TNKS: variants seen among roughly 807,000 people sequenced by gnomAD.
The protein encoded by TNKS is tankyrase, also known as poly [ADP-ribose] polymerase tankyrase-1.
TNKS carries 72 observed loss-of-function variants against 135.8 expected under a neutral mutation model. That is an observed-to-expected ratio of 0.53 (90% CI 0.44 to 0.64). The LOEUF (loss-of-function observed/expected upper bound fraction) is 0.64, where lower values mean the gene tolerates loss of function less well. Among genes scored for constraint, TNKS ranks in the 30% least tolerant of loss-of-function variants. TNKS has a pLI of 0.00. For missense variants in TNKS, 1,769 were observed against 1,674.0 expected (o/e 1.06, Z -0.99); for synonymous variants, 849 against 649.3 (o/e 1.31, Z -4.68).
chr8:9,748,288 C>T, intron 18 of TNKS, 76 bp downstream of exon 18: 1 of 1,257,598 alleles, frequency 8.0e-7, no homozygotes, highest in Non-Finnish European at 1.0e-6. Context: ...GGTTCACCAG[C>T]TTACTTTTAG....
chr8:9,687,341 C>T (rs1191035765), intron 5 of TNKS, among the ~76,000 whole-genome samples: 5 of 152,146 alleles, frequency 3.3e-5, no homozygotes, highest in African/African-American at 7.2e-5. Context: ...CTTCGGAGTA[C>T]GTCTTGCTGA....
At chr8:9,561,899 C>A (rs1378609388) in intron 1 of TNKS, among the ~76,000 whole-genome samples, 1 of 152,290 alleles carries the variant, frequency 6.6e-6, no homozygotes, top group East Asian at 1.9e-4. Context: ...TCACTGCAAC[C>A]TCTGCCTCCT....
chr8:9,574,396 C>T (rs1797866020), intron 1 of TNKS, among the ~76,000 whole-genome samples: 1 of 152,158 alleles, frequency 6.6e-6, no homozygotes, highest in Non-Finnish European at 1.5e-5. Context: ...TTTTTCTCTT[C>T]TTTGACCCAG....
At chr8:9,567,668 T>C (rs1036186439) in intron 1 of TNKS, among the ~76,000 whole-genome samples, 42 of 152,296 alleles carry the variant, frequency 2.8e-4, no homozygotes, top group Non-Finnish European at 4.3e-4. Flanking sequence ...CTGCCCGCCT[T>C]GGCCTCCCAA....
intron 26 of TNKS, among the ~76,000 whole-genome samples, chr8:9,772,806 TG>T (rs1407378457): frequency 1.2e-4 from 13 of 104,566 alleles, no homozygotes; most frequent in African/African-American, 5.6e-4. Flanking sequence ...TGTGTGTGTG[TG>T]TTTGTGTGTG....
intron 5 of TNKS, among the ~76,000 whole-genome samples, chr8:9,682,308 T>C (rs866509801): frequency 3.3e-5 from 5 of 152,160 alleles, no homozygotes; most frequent in African/African-American, 1.2e-4. Context: ...CGGAGTCGAT[T>C]TCTGTCACAG....
At chr8:9,604,448 A>C (rs1463993941) in intron 2 of TNKS, among the ~76,000 whole-genome samples, 4 of 152,140 alleles carry the variant, frequency 2.6e-5, no homozygotes, top group Non-Finnish European at 5.9e-5. Flanking sequence ...TAGTAGAATT[A>C]AATAGAATTC....
At chr8:9,625,641 T>G (rs1800028344) in intron 3 of TNKS, among the ~76,000 whole-genome samples, 1 of 152,202 alleles carries the variant, frequency 6.6e-6, no homozygotes, top group Non-Finnish European at 1.5e-5. Flanking sequence ...GATTTCGTCT[T>G]TAACCCACAG....
intron 3 of TNKS, among the ~76,000 whole-genome samples, chr8:9,664,937 G>A (rs1421187526): frequency 6.6e-6 from 1 of 152,104 alleles, no homozygotes; most frequent in Non-Finnish European, 1.5e-5. Flanking sequence ...CCATTGTTGG[G>A]TAACTTAAAT....
At chr8:9,615,917 C>G (rs559544199) in intron 3 of TNKS, among the ~76,000 whole-genome samples, 10 of 151,722 alleles carry the variant, frequency 6.6e-5, no homozygotes, top group Middle Eastern at 6.8e-3. Flanking sequence ...ACATCTTTCA[C>G]TCGTATTTTA....
chr8:9,763,516 A>T (rs1257432918), intron 22 of TNKS, among the ~76,000 whole-genome samples: 1 of 152,162 alleles, frequency 6.6e-6, no homozygotes, highest in Non-Finnish European at 1.5e-5. Context: ...TAAGGAGCCT[A>T]TTACAACTAT....
chr8:9,748,012 C>G lies in TNKS; in HGVS notation c.2644-12C>G, dbSNP rs925337925. On this transcript the variant is annotated splice_polypyrimidine_tract_variant and intron_variant, in intron 17 of 26. Transcript: ENST00000310430. ...CATTCTTAACTCTTTGTATCCTTTTCTTTTTTTTCAGCATGTTGACATAGC... is the reference window on the plus strand; with the variant it reads ...CATTCTTAACTCTTTGTATCCTTTTGTTTTTTTTCAGCATGTTGACATAGC... 1.9e-6 allele frequency: 3 copies of G among 1,593,764 alleles called. No individual in the cohort carries two copies. The highest frequency in any genetic ancestry group is 2.6e-6 in the Non-Finnish European group (3 of 1,168,910).
At chr8:9,691,915 A>C (rs1803293576) in intron 5 of TNKS, among the ~76,000 whole-genome samples, 3 of 152,172 alleles carry the variant, frequency 2.0e-5, no homozygotes, top group Non-Finnish European at 4.4e-5. Flanking sequence ...AATTTATTTG[A>C]TATATAGAGA....
chr8:9,560,721 G>T (rs1372568450), intron 1 of TNKS, among the ~76,000 whole-genome samples: 1 of 151,432 alleles, frequency 6.6e-6, no homozygotes, highest in Non-Finnish European at 1.5e-5. Flanking sequence ...GATGTAAGAA[G>T]GGTCTAATTT....
chr8:9,564,219 A>G (rs529064360), intron 1 of TNKS, among the ~76,000 whole-genome samples: 3 of 152,340 alleles, frequency 2.0e-5, no homozygotes, highest in East Asian at 3.9e-4. Flanking sequence ...AGTCACCTGT[A>G]AAGCATTCCC....
chr8:9,709,282 T>C (rs1804202594), intron 9 of TNKS, among the ~76,000 whole-genome samples: 1 of 152,190 alleles, frequency 6.6e-6, no homozygotes, highest in Non-Finnish European at 1.5e-5. Flanking sequence ...AGGGTTGAGA[T>C]AGATTCAAGC....
chr8:9,669,969 A>G (rs970877338), intron 3 of TNKS: 5 of 152,198 alleles, frequency 3.3e-5, no homozygotes, highest in African/African-American at 1.2e-4. Context: ...CCTAAGCGTA[A>G]TATTAGCTTC....
chr8:9,615,707 A>G (rs567498292), intron 3 of TNKS, 30 bp downstream of exon 3: 9 of 1,540,064 alleles, frequency 5.8e-6, no homozygotes, highest in African/African-American at 4.1e-5. Flanking sequence ...CCGAATGATT[A>G]TATCTGTGTA....
At chr8:9,566,898 G>A (rs56753822) in intron 1 of TNKS, among the ~76,000 whole-genome samples, 4 of 152,002 alleles carry the variant, frequency 2.6e-5, no homozygotes, top group Non-Finnish European at 5.9e-5. Context: ...GTGAGCCACC[G>A]CGCCCGGCCT....
Sources: allele counts gnomAD v4.1 joint callset (sites outside exome capture counted in the v4.1 genomes callset), GRCh38; gene constraint gnomAD v4.1.1; transcripts MANE v1.5; gene names NCBI Gene and HGNC (gene_info 2026-07-23, HGNC 2026-07-21).